DCLK1: variants seen among roughly 807,000 people sequenced by gnomAD.
The protein encoded by DCLK1 is serine/threonine-protein kinase DCLK1.
Under a neutral mutation model 86.2 loss-of-function variants are expected in DCLK1, and 16 were observed. The observed-to-expected ratio is 0.19, with a 90% CI of 0.13 to 0.28. The LOEUF (loss-of-function observed/expected upper bound fraction) is 0.28. Among genes scored for constraint, DCLK1 ranks in the 10% least tolerant of loss-of-function variants. DCLK1 has a pLI of 1.00. For missense variants in DCLK1, 590 were observed against 940.2 expected (o/e 0.63, Z 4.87); for synonymous variants, 369 against 370.5 (o/e 1.00, Z 0.05).
At chr13:35,984,896 T>C (rs989007763) in intron 3 of DCLK1, among the ~76,000 whole-genome samples, 2 of 122,272 alleles carry the variant, frequency 1.6e-5, no homozygotes, top group Admixed American at 1.6e-4. Flanking sequence ...AGCGTGCGCA[T>C]GCACACACAC....
chr13:35,891,898 AG>A (rs986523987), intron 4 of DCLK1, among the ~76,000 whole-genome samples: 4 of 152,050 alleles, frequency 2.6e-5, no homozygotes, highest in Admixed American at 1.3e-4. Context: ...GGGCAGATGG[AG>A]GGGGGTTTTC....
intron 15 of DCLK1, among the ~76,000 whole-genome samples, chr13:35,796,738 G>C (rs544499318): frequency 6.6e-6 from 1 of 152,280 alleles, no homozygotes; most frequent in Admixed American, 6.5e-5. Context: ...TCCCACACCA[G>C]GTTGCATCAA....
At chr13:36,086,032 G>C (rs11147598) in intron 3 of DCLK1, among the ~76,000 whole-genome samples, 37,723 of 152,006 alleles carry the variant, frequency 0.25, 4,934 homozygotes, top group East Asian at 0.5. Flanking sequence ...CTCACCACAG[G>C]GTTAGACACT....
intron 5 of DCLK1, among the ~76,000 whole-genome samples, chr13:35,858,130 G>T (rs1430263929): frequency 1.3e-5 from 2 of 152,170 alleles, no homozygotes; most frequent in Non-Finnish European, 2.9e-5. Flanking sequence ...AATACTGGGT[G>T]CAAGGAGAAT....
intron 4 of DCLK1, among the ~76,000 whole-genome samples, chr13:35,945,464 AC>A: frequency 6.6e-6 from 1 of 151,764 alleles, no homozygotes; most frequent in East Asian, 1.9e-4. Context: ...CTAGATAGAG[AC>A]CCCAGAGTTT....
At chr13:35,927,059 A>C (rs1566606361) in intron 4 of DCLK1, among the ~76,000 whole-genome samples, 1 of 152,188 alleles carries the variant, frequency 6.6e-6, no homozygotes, top group Non-Finnish European at 1.5e-5. Flanking sequence ...CCCTCACGTA[A>C]TCCCTCTGGG....
intron 4 of DCLK1, among the ~76,000 whole-genome samples, chr13:35,921,860 A>G (rs1260978676): frequency 6.6e-6 from 1 of 152,192 alleles, no homozygotes; most frequent in Non-Finnish European, 1.5e-5. Context: ...GCAGAGATAA[A>G]GTTGCCACCC....
At chr13:35,861,920 C>T (rs1210983378) in intron 5 of DCLK1, among the ~76,000 whole-genome samples, 1 of 150,642 alleles carries the variant, frequency 6.6e-6, no homozygotes, top group Non-Finnish European at 1.5e-5. Context: ...GTAGTCCCAG[C>T]TACTCGAAGG....
chr13:36,086,638 A>T (rs1294628994), intron 3 of DCLK1, among the ~76,000 whole-genome samples: 1 of 151,882 alleles, frequency 6.6e-6, no homozygotes, highest in Non-Finnish European at 1.5e-5. Context: ...TGCCCCTAAA[A>T]GGCCCTGGTG....
In DCLK1 at chr13:35,861,963, C is replaced by T. The variant is rs577156713; in HGVS notation, c.941-7370G>A. 2.5e-4 allele frequency among the ~76,000 whole-genome samples: 34 copies of T among 137,152 alleles called. 1 individual carries two copies. The highest frequency in any genetic ancestry group is 6.1e-4 in the African/African-American group (23 of 37,710). 90.0% of individuals were successfully genotyped at this position (137,152 alleles called of 152,430 possible). ...GGGAGAATGGCATGAACCCAGGAGGCGGAGCTAGCAGTGAGCGGAGATTGC... is the reference window on the plus strand; with the variant it reads ...GGGAGAATGGCATGAACCCAGGAGGTGGAGCTAGCAGTGAGCGGAGATTGC... On this transcript the variant is annotated intron_variant, in intron 5 of 16. Coordinates refer to ENST00000360631, the MANE Select transcript of DCLK1 (RefSeq NM_001330071.2).
At chr13:35,841,175 G>A (rs778019846) in intron 6 of DCLK1, among the ~76,000 whole-genome samples, 14 of 152,124 alleles carry the variant, frequency 9.2e-5, no homozygotes, top group East Asian at 1.9e-4. Context: ...GTCACGTGGC[G>A]TTTTAAATTT....
intron 16 of DCLK1, among the ~76,000 whole-genome samples, chr13:35,779,611 C>T (rs2086487043): frequency 6.6e-6 from 1 of 152,014 alleles, no homozygotes; most frequent in African/African-American, 2.4e-5. Flanking sequence ...GCAACTCCAA[C>T]ACAAAAAAGA....
intron 3 of DCLK1, among the ~76,000 whole-genome samples, chr13:36,077,377 C>T (rs1240832520): frequency 6.6e-6 from 1 of 152,066 alleles, no homozygotes; most frequent in African/African-American, 2.4e-5. Context: ...ATCTACTTGC[C>T]CCCCTTCTAG....
chr13:35,847,430 G>A (rs1226896032), intron 6 of DCLK1: 8 of 984,814 alleles, frequency 8.1e-6, no homozygotes, highest in Non-Finnish European at 7.2e-6. Flanking sequence ...ACTTACAGAA[G>A]CATACCCACA....
chr13:36,029,034 T>G (rs1043537365), intron 3 of DCLK1, among the ~76,000 whole-genome samples: 1 of 152,346 alleles, frequency 6.6e-6, no homozygotes, highest in South Asian at 2.1e-4. Context: ...CCAGCAGCCC[T>G]TGGGGCTGCT....
chr13:36,086,993 G>C (rs1374253174), intron 3 of DCLK1, among the ~76,000 whole-genome samples: 1 of 152,104 alleles, frequency 6.6e-6, no homozygotes, highest in African/African-American at 2.4e-5. Flanking sequence ...CCCAGTAATG[G>C]GATTGCTGAG....
chr13:35,827,842 C>A, intron 9 of DCLK1, 88 bp from the exon 10 acceptor site: 2 of 1,490,442 alleles, frequency 1.3e-6, no homozygotes, highest in South Asian at 1.2e-5. Context: ...ATGTAAGGGT[C>A]AAGAGAGATG....
chr13:35,888,948 T>A (rs549412627), intron 4 of DCLK1, among the ~76,000 whole-genome samples: 1 of 152,320 alleles, frequency 6.6e-6, no homozygotes, highest in South Asian at 2.1e-4. Flanking sequence ...GAGTAAAGTG[T>A]CAAGCCCTGT....
At position 35,887,058 on chromosome 13, in the gene DCLK1, C is replaced by T. The variant is rs543140828; in HGVS notation, c.824-15718G>A. On this transcript the variant is annotated intron_variant, in intron 4 of 16. Transcript: ENST00000360631. ...TTAGCTTGGAATCCAACTGGAAAGA[C>T]GAAATAGTTCTGCGTTGCTTATATT... Among the ~76,000 whole-genome samples, 46 of 152,308 alleles carry T rather than the reference C, an allele frequency of 3.0e-4. 1 individual carries two copies. In the South Asian group the frequency reaches 7.7e-3, roughly 25 times the overall value.
Sources: gnomAD v4.1 joint callset for allele counts (sites outside exome capture counted in the v4.1 genomes callset) on GRCh38, gnomAD v4.1.1 for gene constraint, MANE v1.5 for transcripts, NCBI Gene and HGNC (gene_info 2026-07-23, HGNC 2026-07-21) for gene names.